CCDC112: variants seen among roughly 807,000 people sequenced by gnomAD.
CCDC112 encodes the protein coiled-coil domain-containing protein 112.
In CCDC112, 40 loss-of-function variants were observed where a neutral mutation model predicts 66.3. The observed-to-expected ratio is 0.60, with a 90% confidence interval of 0.47 to 0.79. The LOEUF is 0.79. Ranked by LOEUF, CCDC112 falls within the 30% of genes least tolerant of loss-of-function variation. The pLI is 0.00. For missense variants in CCDC112, 659 were observed against 603.8 expected (o/e 1.09, Z -0.96); for synonymous variants, 214 against 197.2 (o/e 1.09, Z -0.71).
At chr5:115,288,785 TAAAC>T (rs1453323814) in intron 1 of CCDC112, among the ~76,000 whole-genome samples, 1 of 152,150 alleles carries the variant, frequency 6.6e-6, no homozygotes, top group Non-Finnish European at 1.5e-5. Flanking sequence ...TACCAAAAAA[TAAAC>T]AACCAGCAAA....
At position 115,278,933 on chromosome 5, in the gene CCDC112, T is replaced by G. The variant is rs142611099; in HGVS notation, c.361+714A>C. Among the ~76,000 whole-genome samples the G allele has an allele frequency of 8.8e-4, 134 of 152,290 alleles. 1 individual carries two copies. The highest frequency in any genetic ancestry group is 3.2e-3 in the African/African-American group (134 of 41,568). Reference sequence around the variant, plus strand: ...TAACCATTATTTTTCCTTTAAGAAATGCTAAGCAGCTTTTTTATTATAAAG... The same window carrying G: ...TAACCATTATTTTTCCTTTAAGAAAGGCTAAGCAGCTTTTTTATTATAAAG... On this transcript the variant is annotated intron_variant, in intron 3 of 9. Coordinates refer to ENST00000379611, the MANE Select transcript of CCDC112 (RefSeq NM_001040440.3).
At chr5:115,273,112 C>T (rs936712904) in intron 6 of CCDC112, among the ~76,000 whole-genome samples, 24 of 152,162 alleles carry the variant, frequency 1.6e-4, no homozygotes, top group African/African-American at 5.6e-4. Context: ...TACCACAACA[C>T]ATCATATAAA....
At chr5:115,291,803 T>A (rs143974647) in intron 1 of CCDC112, among the ~76,000 whole-genome samples, 1 of 152,180 alleles carries the variant, frequency 6.6e-6, no homozygotes, top group Non-Finnish European at 1.5e-5. Flanking sequence ...TGGCAGTCTT[T>A]TTCTATTTTA....
intron 1 of CCDC112, among the ~76,000 whole-genome samples, chr5:115,288,142 A>G (rs945008504): frequency 1.3e-5 from 2 of 151,950 alleles, no homozygotes; most frequent in Admixed American, 1.3e-4. Context: ...CACCACGCCC[A>G]GCTAATTTTT....
intron 1 of CCDC112, among the ~76,000 whole-genome samples, chr5:115,288,786 AAAC>A (rs1422432749): frequency 6.6e-6 from 1 of 152,228 alleles, no homozygotes; most frequent in Non-Finnish European, 1.5e-5. Flanking sequence ...ACCAAAAAAT[AAAC>A]AACCAGCAAA....
chr5:115,279,312 G>C (rs1394714190), intron 3 of CCDC112, among the ~76,000 whole-genome samples: 1 of 152,106 alleles, frequency 6.6e-6, no homozygotes, highest in African/African-American at 2.4e-5. Context: ...ACATCAGACA[G>C]CCCAGAAATC....
intron 1 of CCDC112, among the ~76,000 whole-genome samples, chr5:115,295,371 C>T (rs968647886): frequency 2.6e-5 from 4 of 152,088 alleles, no homozygotes; most frequent in East Asian, 1.9e-4. Context: ...AAATACTTTA[C>T]GTATTATGTA....
At chr5:115,278,396 C>A (rs962968135) in intron 3 of CCDC112, among the ~76,000 whole-genome samples, 4 of 151,920 alleles carry the variant, frequency 2.6e-5, no homozygotes, top group African/African-American at 9.7e-5. Context: ...CTTCTCTACA[C>A]TAAGGCAAGC....
intron 2 of CCDC112, 75 bp downstream of exon 2, chr5:115,284,712 G>C (rs1749602082): frequency 5.9e-6 from 7 of 1,177,718 alleles, no homozygotes; most frequent in Non-Finnish European, 7.4e-6. Flanking sequence ...AGGTAGGGTA[G>C]AGTAGAATTA....
intron 1 of CCDC112, among the ~76,000 whole-genome samples, chr5:115,294,361 A>G (rs1055887946): frequency 6.6e-6 from 1 of 152,204 alleles, no homozygotes; most frequent in Non-Finnish European, 1.5e-5. Flanking sequence ...TAGTGTTCCT[A>G]TAAGAAGAGA....
Position 115,271,397 on chromosome 5 carries a change from T to A in CCDC112, c.1148A>T (p.Lys383Ile). The A allele has an allele frequency of 6.2e-7, 1 of 1,608,748 alleles. No homozygotes were observed. Among genetic ancestry groups the A allele is most frequent in the Non-Finnish European group, 8.5e-7 (1 of 1,178,990 alleles). ...GCGTTCTTTCTGATGTTTTTTCTCT[T>A]TCTCTTCTTCTTCTTTTAACTGGGA... ...CASQLKEEEE[K>I]EKKHQKERQR... The change falls in exon 7 of 10, where the codon AAA becomes ATA. Residue 383 changes from lysine (K) to isoleucine (I), a missense_variant. Lys to Ile is a moderately radical substitution (Grantham distance 102). Transcript: ENST00000379611.
rs1434653657 is a variant in CCDC112 at position 115,269,731 on chromosome 5, T to C, written c.1400A>G (p.Gln467Arg). 1.9e-6 allele frequency: 3 copies of C among 1,603,430 alleles called. No homozygotes were observed. Among genetic ancestry groups the C allele is most frequent in the East Asian group, 2.2e-5 (1 of 44,616 alleles). ...TTCTTTTAATTTTGCCAGTCTTCTT[T>C]GTTTTTGTGACTTTTCATCTTCCTT... Reference protein sequence around the residue: ...QAKEDEKSQKQRRLAKLKEKV... With the variant: ...QAKEDEKSQKRRRLAKLKEKV... The change falls in exon 8 of 10, where the codon CAA (glutamine) becomes CGA (arginine). Residue 467 changes from glutamine (Q) to arginine (R), a missense_variant. Physicochemically the swap from Gln to Arg is conservative, Grantham distance 43. Transcript: ENST00000379611.
intron 3 of CCDC112, chr5:115,277,271 G>C: frequency 2.5e-6 from 1 of 392,240 alleles, no homozygotes; most frequent in Non-Finnish European, 4.6e-6. Flanking sequence ...AATGGGTTAA[G>C]TCTTACTATA....
chr5:115,272,680 A>G (rs186480655), intron 6 of CCDC112, among the ~76,000 whole-genome samples: 1 of 152,258 alleles, frequency 6.6e-6, no homozygotes, highest in East Asian at 1.9e-4. Flanking sequence ...GGGCATATTC[A>G]CTGAATTACC....
In CCDC112 at chr5:115,296,581, G is replaced by A. The variant is rs779335211; in HGVS notation, c.-38C>T. On this transcript the variant is annotated 5_prime_UTR_variant, in exon 1 of 10. Coordinates refer to ENST00000379611, the MANE Select transcript of CCDC112 (RefSeq NM_001040440.3). ...AGCTACTCGGGCCGCGGCGGCCACC[G>A]GTGCCTGGGGATTCGTGGCAGGCGC... The A allele has an allele frequency of 1.4e-6, 2 of 1,429,150 alleles. No individual in the cohort carries two copies. The highest frequency in any genetic ancestry group is 1.8e-6 in the Non-Finnish European group (2 of 1,095,678). The allele number at this position is 1,429,150 out of a possible 1,614,324, so 88.5% of individuals were successfully genotyped here. A position where few individuals can be genotyped will look rare whatever the true frequency, so the allele number is the denominator to read the frequency against.
At chr5:115,280,895 T>C (rs545700740) in intron 2 of CCDC112, among the ~76,000 whole-genome samples, 78 of 152,216 alleles carry the variant, frequency 5.1e-4, no homozygotes, top group African/African-American at 1.8e-3. Context: ...AATATGAATA[T>C]TTCTCCACTA....
intron 1 of CCDC112, chr5:115,295,833 G>A: frequency 3.2e-6 from 3 of 924,332 alleles, no homozygotes; most frequent in Non-Finnish European, 3.9e-6. Flanking sequence ...CAGGGACTGG[G>A]TGTGCCGCGT....
chr5:115,288,671 T>C (rs1269576957), intron 1 of CCDC112, among the ~76,000 whole-genome samples: 2 of 152,180 alleles, frequency 1.3e-5, no homozygotes, highest in African/African-American at 4.8e-5. Flanking sequence ...GTACACTTAG[T>C]ATTAGAAGAT....
At position 115,268,948 on chromosome 5, in the gene CCDC112, C is replaced by T. The variant is rs1007180139; in HGVS notation, c.1481G>A (p.Gly494Asp). The T allele has an allele frequency of 6.2e-7, 1 of 1,607,062 alleles. No individual in the cohort carries two copies. The highest frequency in any genetic ancestry group is 8.5e-7 in the Non-Finnish European group (1 of 1,176,916). Residue 494 changes from glycine to aspartate, a missense_variant, in exon 9 of 10, where the codon GGT (glycine) becomes GAT (aspartate). Physicochemically the swap from Gly to Asp is moderately conservative, Grantham distance 94. Coordinates refer to ENST00000379611, the MANE Select transcript of CCDC112 (RefSeq NM_001040440.3). ...TATCTTTTTGGTTCGTTCTTCCCAA[C>T]CTTTGGTGGGTTTGTAAAGCCTAGA... The part of the protein sequence containing the change: ...DPSRLYKPTK[G>D]WEERTKKIGP...
Sources: gnomAD v4.1 joint callset for allele counts (sites outside exome capture counted in the v4.1 genomes callset) on GRCh38, gnomAD v4.1.1 for gene constraint, MANE v1.5 for transcripts, NCBI Gene and HGNC (gene_info 2026-07-23, HGNC 2026-07-21) for gene names.